P4HTM: variants seen among roughly 807,000 people sequenced by gnomAD.
P4HTM encodes the protein prolyl 4-hydroxylase, transmembrane.
A neutral mutation model predicts 55.3 loss-of-function variants in P4HTM; 33 were observed. The ratio of observed to expected loss-of-function variants is 0.60; its 90% CI spans 0.45 to 0.80. The LOEUF is 0.80. Among genes scored for constraint, P4HTM ranks in the 30% least tolerant of loss-of-function variants. The pLI is 0.00. For missense variants in P4HTM, 542 were observed against 696.5 expected (o/e 0.78, Z 2.50); for synonymous variants, 272 against 286.4 (o/e 0.95, Z 0.51).
chr3:49,000,370 G>A (rs2092957650), intron 2 of P4HTM, among the ~76,000 whole-genome samples: 1 of 151,912 alleles, frequency 6.6e-6, no homozygotes, highest in South Asian at 2.1e-4. Flanking sequence ...GGCAATATAG[G>A]GAGACTCCAT....
At position 48,990,699 on chromosome 3, in the gene P4HTM, C is replaced by A; in HGVS notation, c.354+89C>A. The A allele has an allele frequency of 1.4e-6, 2 of 1,459,502 alleles. No homozygotes were observed. Among genetic ancestry groups the A allele is most frequent in the Non-Finnish European group, 1.8e-6 (2 of 1,094,640 alleles). The allele number at this position is 1,459,502 out of a possible 1,614,324, so 90.4% of individuals were successfully genotyped here. ...CTCAGCCCGGGTCCCCACGCTGCCCCCGGCGCTGCTCTGCGTCGGTCCCGC... is the reference window on the plus strand; with the variant it reads ...CTCAGCCCGGGTCCCCACGCTGCCCACGGCGCTGCTCTGCGTCGGTCCCGC... On this transcript the variant is annotated intron_variant, in intron 1 of 8. Coordinates refer to ENST00000383729, the MANE Select transcript of P4HTM (RefSeq NM_177939.3). This position sits in a 1 kb window ranked among gnomAD's most constrained non-coding sequence, Gnocchi z 7.2.
intron 6 of P4HTM, chr3:49,005,280 A>G: frequency 6.9e-7 from 1 of 1,452,650 alleles, no homozygotes; most frequent in South Asian, 1.4e-5. Context: ...GTACCCACAG[A>G]CACCAAAACT....
intron 4 of P4HTM, chr3:49,003,473 A>T (rs1445417183): frequency 3.2e-5 from 5 of 155,130 alleles, no homozygotes; most frequent in African/African-American, 1.2e-4. Flanking sequence ...CTCTTCCAGA[A>T]CCCCAAGAGG....
chr3:48,992,081 A>G (rs554080026), intron 2 of P4HTM: 3 of 152,298 alleles, frequency 2.0e-5, no homozygotes, highest in Admixed American at 6.5e-5. Context: ...TATTATTACT[A>G]TTACTATTGA....
intron 2 of P4HTM, among the ~76,000 whole-genome samples, chr3:48,995,730 C>T (rs568166219): frequency 6.6e-6 from 1 of 152,242 alleles, no homozygotes; most frequent in East Asian, 1.9e-4. Flanking sequence ...AAATTACAGG[C>T]GCCTGCCACC....
intron 2 of P4HTM, among the ~76,000 whole-genome samples, chr3:48,998,722 G>A (rs1030230232): frequency 2.6e-5 from 4 of 152,188 alleles, no homozygotes; most frequent in African/African-American, 4.8e-5. Context: ...TCGGGGCACC[G>A]CAGCCAGGGC....
intron 2 of P4HTM, among the ~76,000 whole-genome samples, chr3:48,995,192 C>T (rs2092942081): frequency 1.3e-5 from 2 of 152,172 alleles, no homozygotes; most frequent in East Asian, 1.9e-4. Context: ...TTAGACTCAT[C>T]TCCTGCCCCC....
rs114254600 is a variant in P4HTM at position 49,000,313 on chromosome 3, C to T, written c.437-1125C>T. Among the ~76,000 whole-genome samples, 1,152 of 152,158 alleles carry T rather than the reference C, an allele frequency of 7.6e-3. 10 individuals are homozygous for T. Among genetic ancestry groups the T allele is most frequent in the African/African-American group, 0.026 (1,098 of 41,494 alleles). On this transcript the variant is annotated intron_variant, in intron 2 of 8. Coordinates refer to ENST00000383729, the MANE Select transcript of P4HTM (RefSeq NM_177939.3). ...TGCTTATAATCCCAGCACTTTTGAG[C>T]CCGAGGTGGAAGGATAGCTTGAACC...
chr3:48,993,138 A>C (rs2092935674), intron 2 of P4HTM, among the ~76,000 whole-genome samples: 1 of 151,914 alleles, frequency 6.6e-6, no homozygotes, highest in Admixed American at 6.5e-5. Flanking sequence ...AACCCCGTCT[A>C]CTAAAAATAC....
intron 7 of P4HTM, 94 bp from the exon 8 acceptor site, chr3:49,005,970 G>A (rs888139464): frequency 2.6e-6 from 4 of 1,550,120 alleles, no homozygotes; most frequent in Non-Finnish European, 2.6e-6. Flanking sequence ...ATTATTCCTT[G>A]GGCATATCTG....
rs772802165 is a variant in P4HTM, at chr3:49,005,760, C to T, written c.1074-17C>T. The T allele has an allele frequency of 1.3e-6, 2 of 1,586,516 alleles. No individual in the cohort carries two copies. Among genetic ancestry groups the T allele is most frequent in the South Asian group, 1.2e-5 (1 of 86,540 alleles). Reference sequence around the variant, plus strand: ...TCCACAACTGGGGACCTGCTCAGTGCCCCCCCTGCCTTACAGCTACATGAC... The same window carrying T: ...TCCACAACTGGGGACCTGCTCAGTGTCCCCCCTGCCTTACAGCTACATGAC... On this transcript the variant is annotated splice_polypyrimidine_tract_variant and intron_variant, in intron 6 of 8. Coordinates refer to ENST00000383729, the MANE Select transcript of P4HTM (RefSeq NM_177939.3).
intron 2 of P4HTM, among the ~76,000 whole-genome samples, chr3:48,996,712 C>G (rs1340753017): frequency 6.6e-6 from 1 of 152,172 alleles, no homozygotes; most frequent in Non-Finnish European, 1.5e-5. Context: ...CACACACACC[C>G]CTGCTCTTTC....
At chr3:48,990,234 G>GGC (rs893655912), upstream of P4HTM, 41 of 1,178,182 alleles carry the variant, frequency 3.5e-5, no homozygotes, top group African/African-American at 6.4e-5. The surrounding 1 kb of genome is among the most constrained non-coding windows in gnomAD (Gnocchi z 7.2). Context: ...CCCTCCCCTG[G>GGC]GCGCGCGCGC....
In P4HTM at chr3:49,004,152, A is replaced by G; in HGVS notation, c.779A>G (p.Tyr260Cys). The G allele has an allele frequency of 1.3e-6, 2 of 1,552,362 alleles. No individual in the cohort carries two copies. The highest frequency in any genetic ancestry group is 1.7e-6 in the Non-Finnish European group (2 of 1,148,182). Residue 260 changes from tyrosine to cysteine, a missense_variant, in exon 5 of 9, where the codon TAC becomes TGC. By Grantham distance (194) the Tyr-to-Cys change is radical. Transcript: ENST00000383729. ...SNMDLRDFHK[Y>C]MRSHKAESSE... ...ATGGACCTTCGGGACTTCCACAAGTACATGAGGAGCCACAAGGCAGAGTCC... is the reference window on the plus strand; with the variant it reads ...ATGGACCTTCGGGACTTCCACAAGTGCATGAGGAGCCACAAGGCAGAGTCC...
chr3:49,002,719 G>T lies in P4HTM; in HGVS notation c.724+123G>T. The T allele has an allele frequency of 1.3e-6, 1 of 766,104 alleles. No individual in the cohort carries two copies. Among genetic ancestry groups the T allele is most frequent in the South Asian group, 1.4e-5 (1 of 70,998 alleles). The allele number at this position is 766,104 out of a possible 1,614,324, so 47.5% of individuals were successfully genotyped here. On this transcript the variant is annotated intron_variant, in intron 4 of 8. Transcript: ENST00000383729. This position sits in a 1 kb window ranked among gnomAD's most constrained non-coding sequence, Gnocchi z 4.4. ...CAGCCTCTCTGCACCCCTTTATAGT[G>T]GCCAGAGATGGGGAGGTGAAGATCC...
At position 48,990,862 on chromosome 3, in the gene P4HTM, C is replaced by T. The variant is rs751263888; in HGVS notation, c.384C>T (p.Val128=). The T allele has an allele frequency of 6.2e-7, 1 of 1,613,964 alleles. No individual in the cohort carries two copies. Among genetic ancestry groups the T allele is most frequent in the South Asian group, 1.1e-5 (1 of 91,076 alleles). The change falls in exon 2 of 9, where the codon GTC becomes GTT. Residue 128 remains valine, a synonymous_variant. Transcript: ENST00000383729. The surrounding 1 kb of genome is among the most constrained non-coding windows in gnomAD (Gnocchi z 7.2). ...KVGHERKVQL[V]TDRDHFIRTL... ...GGCACGAGCGTAAGGTCCAGCTGGT[C>T]ACCGACAGGGATCACTTCATCCGAA...
chr3:48,994,663 C>T (rs1005100460), intron 2 of P4HTM, among the ~76,000 whole-genome samples: 1 of 152,210 alleles, frequency 6.6e-6, no homozygotes, highest in Non-Finnish European at 1.5e-5. Flanking sequence ...TGCTCCATTT[C>T]TGAACCATTG....
Position 48,990,408 on chromosome 3 carries a change from AG to A in P4HTM, c.153del (p.Lys51AsnfsTer14). On this transcript the variant is annotated frameshift_variant, in exon 1 of 9. Coordinates refer to ENST00000383729, the MANE Select transcript of P4HTM (RefSeq NM_177939.3). LOFTEE classifies it high-confidence loss of function. The surrounding 1 kb of genome is among the most constrained non-coding windows in gnomAD (Gnocchi z 7.2). ...GACGCACCGGTGCGTCCGCTGTGCA[AG>A]CCCCGCGGCATCTGCTCGCGCGCCT... ...GEDAPVRPLC[K>X]PRGICSRAYF... 1.2e-6 allele frequency: 2 copies of A among 1,602,334 alleles called. No individual in the cohort carries two copies. The highest frequency in any genetic ancestry group is 1.7e-6 in the Non-Finnish European group (2 of 1,178,090).
Position 49,002,576 on chromosome 3 carries a change from A to G in P4HTM, c.704A>G (p.Lys235Arg). 1 of 1,613,376 alleles carries G rather than the reference A, an allele frequency of 6.2e-7. No homozygotes were observed. The highest frequency in any genetic ancestry group is 8.5e-7 in the Non-Finnish European group (1 of 1,179,288). The change falls in exon 4 of 9, where the codon AAG becomes AGG. Residue 235 changes from lysine to arginine, a missense_variant. Transcript: ENST00000383729. The surrounding 1 kb of genome is among the most constrained non-coding windows in gnomAD (Gnocchi z 4.4). ...ESIQEMYAAI[K>R]ADPDGDGVLS... ...ATTCAGGAGATGTACGCCGCGATCA[A>G]GGCTGACCCTGATGGTGACGGTGAG...
Sources: gnomAD v4.1 joint callset for allele counts (sites outside exome capture counted in the v4.1 genomes callset) on GRCh38, gnomAD v4.1.1 for gene constraint, Gnocchi (gnomAD v3.1) non-coding constraint, MANE v1.5 for transcripts, NCBI Gene and HGNC (gene_info 2026-07-23, HGNC 2026-07-21) for gene names.